The following HSPA6 variants were observed in gnomAD, a reference collection of about 807,000 sequenced individuals.
The protein encoded by HSPA6 is heat shock 70 kDa protein 6.
For synonymous variants in HSPA6, 312 were observed against 368.2 expected, an observed-to-expected ratio of 0.85 and a Z score of 1.75; for missense variants, 718 against 860.9, an observed-to-expected ratio of 0.83 and a Z score of 2.08.
chr1:161,525,006 C>A lies in HSPA6; in HGVS notation c.348C>A (p.Phe116Leu), dbSNP rs746945909. Residue 116 changes from phenylalanine (F) to leucine (L), a missense_variant, in exon 1 of 1, where the codon TTC becomes TTA. Phe to Leu is a conservative substitution (Grantham distance 22). Coordinates refer to ENST00000309758, the MANE Select transcript of HSPA6 (RefSeq NM_002155.5). ...GCTACCGCGGGGAGGACAAGACGTTCTACCCCGAGGAGATCTCGTCCATGG... is the reference window on the plus strand; with the variant it reads ...GCTACCGCGGGGAGGACAAGACGTTATACCCCGAGGAGATCTCGTCCATGG... Reference protein sequence around the residue: ...RVCYRGEDKTFYPEEISSMVL... With the variant: ...RVCYRGEDKTLYPEEISSMVL... 8 of 1,612,854 alleles carry A rather than the reference C, an allele frequency of 5.0e-6. No individual in the cohort carries two copies. The highest frequency in any genetic ancestry group is 6.8e-6 in the Non-Finnish European group (8 of 1,179,780).
chr1:161,526,687 C>G lies in HSPA6; in HGVS notation c.*97C>G, dbSNP rs879359847. On this transcript the variant is annotated 3_prime_UTR_variant, in exon 1 of 1. Coordinates refer to ENST00000309758, the MANE Select transcript of HSPA6 (RefSeq NM_002155.5). ...TCCTGCCCTTCAGAGATGAACTTTC[C>G]CTCCAAAGCTAGAACTTTCTTCCCA... 73 of 1,306,556 alleles carry G rather than the reference C, an allele frequency of 5.6e-5. No individual in the cohort carries two copies. The highest frequency in any genetic ancestry group is 7.2e-5 in the Non-Finnish European group (71 of 985,654). The allele number at this position is 1,306,556 out of a possible 1,614,324, so 80.9% of individuals were successfully genotyped here.
At position 161,526,181 on chromosome 1, in the gene HSPA6, A is replaced by G; in HGVS notation, c.1523A>G (p.Asp508Gly). ...GCTAACAAGATCACCATCACCAATGACAAGGGCCGGCTGAGCAAGGAGGAG... is the reference window on the plus strand; with the variant it reads ...GCTAACAAGATCACCATCACCAATGGCAAGGGCCGGCTGAGCAAGGAGGAG... ...GKANKITITN[D>G]KGRLSKEEVE... Residue 508 changes from aspartate (D) to glycine (G), a missense_variant, in exon 1 of 1, where the codon GAC becomes GGC. Coordinates refer to ENST00000309758, the MANE Select transcript of HSPA6 (RefSeq NM_002155.5). 6.2e-7 allele frequency: 1 copy of G among 1,613,894 alleles called. No individual in the cohort carries two copies. The highest frequency in any genetic ancestry group is 8.5e-7 in the Non-Finnish European group (1 of 1,179,908).
chr1:161,525,322 A>C lies in HSPA6; in HGVS notation c.664A>C (p.Lys222Gln). 6.2e-7 allele frequency: 1 copy of C among 1,613,990 alleles called. No individual in the cohort carries two copies. The highest frequency in any genetic ancestry group is 2.2e-5 in the East Asian group (1 of 44,874). Residue 222 changes from lysine to glutamine, a missense_variant, in exon 1 of 1, where the codon AAA (lysine) becomes CAA (glutamine). Physicochemically the swap from Lys to Gln is moderately conservative, Grantham distance 53. Coordinates refer to ENST00000309758, the MANE Select transcript of HSPA6 (RefSeq NM_002155.5). ...CATTGACGCTGGTGTCTTTGAGGTG[A>C]AAGCCACTGCTGGAGATACCCACCT... is the stretch of plus-strand genomic sequence containing the variant. ...LSIDAGVFEV[K>Q]ATAGDTHLGG...
At position 161,524,922 on chromosome 1, in the gene HSPA6, C is replaced by T; in HGVS notation, c.264C>T (p.Asp88=). 6.2e-7 allele frequency: 1 copy of T among 1,613,598 alleles called. No individual in the cohort carries two copies. The highest frequency in any genetic ancestry group is 8.5e-7 in the Non-Finnish European group (1 of 1,179,918). Residue 88 remains aspartate, a synonymous_variant, in exon 1 of 1, where the codon GAC becomes GAT. Coordinates refer to ENST00000309758, the MANE Select transcript of HSPA6 (RefSeq NM_002155.5). Reference sequence around the variant, plus strand: ...TCGCGGACACCACGGTGCAGTCGGACATGAAGCACTGGCCCTTCCGGGTGG... The same window carrying T: ...TCGCGGACACCACGGTGCAGTCGGATATGAAGCACTGGCCCTTCCGGGTGG... ...RKFADTTVQS[D]MKHWPFRVVS... is the part of the protein sequence containing the mutation.
chr1:161,526,431 G>A lies in HSPA6; in HGVS notation c.1773G>A (p.Lys591=). 6.3e-7 allele frequency: 1 copy of A among 1,586,338 alleles called. No homozygotes were observed. The highest frequency in any genetic ancestry group is 8.6e-7 in the Non-Finnish European group (1 of 1,165,302). ...TGGAGCACAACCAGCTGGCAGAGAAGGAGGAGTATGAGCATCAGAAGAGGG... is the reference window on the plus strand; with the variant it reads ...TGGAGCACAACCAGCTGGCAGAGAAAGAGGAGTATGAGCATCAGAAGAGGG... ...AWLEHNQLAE[K]EEYEHQKREL... is the part of the protein sequence containing the mutation. The change falls in exon 1 of 1, where the codon AAG becomes AAA. Residue 591 remains lysine (K), a synonymous_variant. Transcript: ENST00000309758.
At position 161,525,738 on chromosome 1, in the gene HSPA6, G is replaced by A. The variant is rs779993877; in HGVS notation, c.1080G>A (p.Glu360=). 4 of 1,609,588 alleles carry A rather than the reference G, an allele frequency of 2.5e-6. No homozygotes were observed. The highest frequency in any genetic ancestry group is 3.4e-6 in the Non-Finnish European group (4 of 1,177,742). The stretch of plus-strand genomic sequence containing the variant: ...TGCAGGACTTCTTCAACGGCAAGGA[G>A]CTGAACAAGAGCATCAACCCTGATG... The part of the protein sequence containing the change: ...KLLQDFFNGK[E]LNKSINPDEA... The change falls in exon 1 of 1, where the codon GAG becomes GAA. Residue 360 remains glutamate (E), a synonymous_variant. Transcript: ENST00000309758.
rs1018533684 is a variant in HSPA6 at position 161,524,605 on chromosome 1, G to C, written c.-54G>C. 61 of 1,352,390 alleles carry C rather than the reference G, an allele frequency of 4.5e-5. No individual in the cohort carries two copies. The highest frequency in any genetic ancestry group is 6.0e-5 in the Non-Finnish European group (60 of 993,172). The allele number at this position is 1,352,390 out of a possible 1,614,324, so 83.8% of individuals were successfully genotyped here. On this transcript the variant is annotated 5_prime_UTR_variant, in exon 1 of 1. Coordinates refer to ENST00000309758, the MANE Select transcript of HSPA6 (RefSeq NM_002155.5). ...GCCTCACTGCTGAGCGCCCCTCGAC[G>C]GCGGAGCGGCAGCAGCCTCCGTGGC...
In HSPA6 at chr1:161,525,633, T is replaced by C. The variant is rs1243414601; in HGVS notation, c.975T>C (p.Asp325=). Residue 325 remains aspartate, a synonymous_variant, in exon 1 of 1, where the codon GAT becomes GAC. Coordinates refer to ENST00000309758, the MANE Select transcript of HSPA6 (RefSeq NM_002155.5). Reference sequence around the variant, plus strand: ...AGCCGGTGGAGAAGGCCCTGCGGGATGCCAAGCTGGACAAGGCCCAGATTC... The same window carrying C: ...AGCCGGTGGAGAAGGCCCTGCGGGACGCCAAGCTGGACAAGGCCCAGATTC... The part of the protein sequence containing the change: ...TLEPVEKALR[D]AKLDKAQIHD... The C allele has an allele frequency of 3.7e-6, 6 of 1,613,866 alleles. 1 individual carries two copies. In the Admixed American group the frequency reaches 8.3e-5, roughly 22 times the overall value.
Position 161,525,246 on chromosome 1 carries a change from C to T in HSPA6, c.588C>T (p.Asn196=). ...ACCGGCGGGGCGCGGGAGAGCGCAACGTGCTCATTTTTGACCTGGGTGGGG... is the reference window on the plus strand; with the variant it reads ...ACCGGCGGGGCGCGGGAGAGCGCAATGTGCTCATTTTTGACCTGGGTGGGG... The part of the protein sequence containing the change: ...GLDRRGAGER[N]VLIFDLGGGT... Residue 196 remains asparagine, a synonymous_variant, in exon 1 of 1, where the codon AAC becomes AAT. Coordinates refer to ENST00000309758, the MANE Select transcript of HSPA6 (RefSeq NM_002155.5). 6.2e-7 allele frequency: 1 copy of T among 1,614,026 alleles called. No individual in the cohort carries two copies. Among genetic ancestry groups the T allele is most frequent in the Non-Finnish European group, 8.5e-7 (1 of 1,179,960 alleles).
rs776911634 is a variant in HSPA6 at position 161,526,269 on chromosome 1, A to G, written c.1611A>G (p.Arg537=). 8 of 1,613,226 alleles carry G rather than the reference A, an allele frequency of 5.0e-6. No individual in the cohort carries two copies. The Admixed American group carries it at 1.0e-4, about 20-fold the overall frequency. ...CTGAGGATGAGGCCCAGAGGGACAG[A>G]GTGGCTGCCAAAAACTCGCTGGAGG... The part of the protein sequence containing the change: ...YKAEDEAQRD[R]VAAKNSLEAH... Residue 537 remains arginine, a synonymous_variant, in exon 1 of 1, where the codon AGA becomes AGG. Coordinates refer to ENST00000309758, the MANE Select transcript of HSPA6 (RefSeq NM_002155.5).
At position 161,526,849 on chromosome 1, in the gene HSPA6, T is replaced by A; in HGVS notation, c.*259T>A. 2.6e-6 allele frequency: 1 copy of A among 391,422 alleles called. No individual in the cohort carries two copies. 24.2% of individuals were successfully genotyped at this position (391,422 alleles called of 1,614,324 possible). A position where few individuals can be genotyped will look rare whatever the true frequency, so the allele number is the denominator to read the frequency against. On this transcript the variant is annotated 3_prime_UTR_variant, in exon 1 of 1. Coordinates refer to ENST00000309758, the MANE Select transcript of HSPA6 (RefSeq NM_002155.5). ...ACCTATATTTTGTGTACTTTGTTAC[T>A]TGCATGTATGAATTTTGTTATGTAA...
rs762080859 is a variant in HSPA6, at chr1:161,524,696, T to C, written c.38T>C (p.Leu13Pro). The C allele has an allele frequency of 3.0e-5, 43 of 1,411,114 alleles. 2 individuals are homozygous for C. The Admixed American group carries it at 7.5e-4, about 25-fold the overall frequency. The allele number at this position is 1,411,114 out of a possible 1,614,324, so 87.4% of individuals were successfully genotyped here. The change falls in exon 1 of 1, where the codon CTG (leucine) becomes CCG (proline). Residue 13 changes from leucine to proline, a missense_variant. By Grantham distance (98) the Leu-to-Pro change is moderately conservative (BLOSUM62 -3). Coordinates refer to ENST00000309758, the MANE Select transcript of HSPA6 (RefSeq NM_002155.5). ...CGGGAGCTCGCGGTGGGCATCGACCTGGGCACCACCTACTCGTGCGTGGGC... is the reference window on the plus strand; with the variant it reads ...CGGGAGCTCGCGGTGGGCATCGACCCGGGCACCACCTACTCGTGCGTGGGC... Reference protein sequence around the residue: ...APRELAVGIDLGTTYSCVGVF... With the variant: ...APRELAVGIDPGTTYSCVGVF...
chr1:161,525,871 C>A lies in HSPA6; in HGVS notation c.1213C>A (p.Leu405Met). 1 of 1,592,776 alleles carries A rather than the reference C, an allele frequency of 6.3e-7. No individual in the cohort carries two copies. The highest frequency in any genetic ancestry group is 1.1e-5 in the South Asian group (1 of 88,560). ...LLDVAPLSLGLETAGGVMTTL... is the reference protein window; with the variant it reads ...LLDVAPLSLGMETAGGVMTTL... ...GGATGTGGCTCCCCTGTCTCTGGGGCTGGAGACAGCAGGTGGGGTGATGAC... is the reference window on the plus strand; with the variant it reads ...GGATGTGGCTCCCCTGTCTCTGGGGATGGAGACAGCAGGTGGGGTGATGAC... The change falls in exon 1 of 1, where the codon CTG becomes ATG. Residue 405 changes from leucine (L) to methionine (M), a missense_variant. Coordinates refer to ENST00000309758, the MANE Select transcript of HSPA6 (RefSeq NM_002155.5).
Position 161,526,339 on chromosome 1 carries a change from A to C in HSPA6, c.1681A>C (p.Arg561=). The C allele has an allele frequency of 6.2e-7, 1 of 1,605,386 alleles. No homozygotes were observed. Among genetic ancestry groups the C allele is most frequent in the East Asian group, 2.2e-5 (1 of 44,504 alleles). ...VKGSLQEESL[R]DKIPEEDRRK... ...AGGTTCTTTGCAAGAGGAAAGCCTT[A>C]GGGACAAGATTCCCGAAGAGGACAG... The change falls in exon 1 of 1, where the codon AGG becomes CGG. Residue 561 remains arginine (R), a synonymous_variant. Coordinates refer to ENST00000309758, the MANE Select transcript of HSPA6 (RefSeq NM_002155.5).
At position 161,525,738 on chromosome 1, in the gene HSPA6, G is replaced by C. The variant is rs779993877; in HGVS notation, c.1080G>C (p.Glu360Asp). 1.2e-5 allele frequency: 20 copies of C among 1,609,470 alleles called. No individual in the cohort carries two copies. In the South Asian group the frequency reaches 2.1e-4, roughly 17 times the overall value. Residue 360 changes from glutamate (E) to aspartate (D), a missense_variant, in exon 1 of 1, where the codon GAG becomes GAC. Coordinates refer to ENST00000309758, the MANE Select transcript of HSPA6 (RefSeq NM_002155.5). ...KLLQDFFNGK[E>D]LNKSINPDEA... The stretch of plus-strand genomic sequence containing the variant: ...TGCAGGACTTCTTCAACGGCAAGGA[G>C]CTGAACAAGAGCATCAACCCTGATG...
Position 161,526,114 on chromosome 1 carries a change from G to A in HSPA6, c.1456G>A (p.Gly486Ser). 1 of 1,613,796 alleles carries A rather than the reference G, an allele frequency of 6.2e-7. No homozygotes were observed. The highest frequency in any genetic ancestry group is 8.5e-7 in the Non-Finnish European group (1 of 1,179,862). Reference sequence around the variant, plus strand: ...GGTGACTTTTGACATTGATGCTAATGGCATCCTGAGCGTGACAGCCACTGA... The same window carrying A: ...GGTGACTTTTGACATTGATGCTAATAGCATCCTGAGCGTGACAGCCACTGA... ...IEVTFDIDAN[G>S]ILSVTATDRS... is the part of the protein sequence containing the mutation. The change falls in exon 1 of 1, where the codon GGC (glycine) becomes AGC (serine). Residue 486 changes from glycine to serine, a missense_variant. Physicochemically the swap from Gly to Ser is moderately conservative, Grantham distance 56. Coordinates refer to ENST00000309758, the MANE Select transcript of HSPA6 (RefSeq NM_002155.5).
At position 161,525,882 on chromosome 1, in the gene HSPA6, A is replaced by C; in HGVS notation, c.1224A>C (p.Ala408=). The change falls in exon 1 of 1, where the codon GCA becomes GCC. Residue 408 remains alanine (A), a synonymous_variant. Coordinates refer to ENST00000309758, the MANE Select transcript of HSPA6 (RefSeq NM_002155.5). ...CCCTGTCTCTGGGGCTGGAGACAGC[A>C]GGTGGGGTGATGACCACGCTGATCC... is the stretch of plus-strand genomic sequence containing the variant. ...VAPLSLGLET[A]GGVMTTLIQR... The C allele has an allele frequency of 6.3e-7, 1 of 1,593,474 alleles. No individual in the cohort carries two copies. The highest frequency in any genetic ancestry group is 8.6e-7 in the Non-Finnish European group (1 of 1,167,144).
chr1:161,526,445 A>G lies in HSPA6; in HGVS notation c.1787A>G (p.His596Arg). ...NQLAEKEEYE[H>R]QKRELEQICR... ...CTGGCAGAGAAGGAGGAGTATGAGC[A>G]TCAGAAGAGGGAGCTGGAGCAAATC... The change falls in exon 1 of 1, where the codon CAT becomes CGT. Residue 596 changes from histidine to arginine, a missense_variant. His to Arg is a conservative substitution (Grantham distance 29). Transcript: ENST00000309758. 3.8e-6 allele frequency: 6 copies of G among 1,582,052 alleles called. No homozygotes were observed. Among genetic ancestry groups the G allele is most frequent in the Non-Finnish European group, 5.2e-6 (6 of 1,163,000 alleles).
rs751164008 is a variant in HSPA6 at position 161,526,323 on chromosome 1, G to A, written c.1665G>A (p.Leu555=). ...ATGTCTTCCATGTGAAAGGTTCTTT[G>A]CAAGAGGAAAGCCTTAGGGACAAGA... ...EAHVFHVKGS[L]QEESLRDKIP... Residue 555 remains leucine (L), a synonymous_variant, in exon 1 of 1, where the codon TTG becomes TTA. Transcript: ENST00000309758. 1.9e-5 allele frequency: 30 copies of A among 1,606,724 alleles called. No homozygotes were observed. In the East Asian group the frequency reaches 6.3e-4, roughly 34 times the overall value.
Sources: gnomAD v4.1 joint callset for allele counts on GRCh38, gnomAD v4.1.1 for gene constraint, MANE v1.5 for transcripts, NCBI Gene and HGNC (gene_info 2026-07-23, HGNC 2026-07-21) for gene names.